The following RBFOX1 variants were observed in gnomAD, a reference collection of about 807,000 sequenced individuals.
The protein encoded by RBFOX1 is RNA binding fox-1 homolog 1.
Under a neutral mutation model 57.7 loss-of-function variants are expected in RBFOX1, and 8 were observed. That is an observed-to-expected ratio of 0.14 (90% CI 0.08 to 0.25). The LOEUF (loss-of-function observed/expected upper bound fraction) is 0.25, where lower values mean the gene tolerates loss of function less well. Among genes scored for constraint, RBFOX1 ranks in the 10% least tolerant of loss-of-function variants. The pLI is 1.00. For missense variants in RBFOX1, 611 were observed against 548.5 expected, an observed-to-expected ratio of 1.11 and a Z score of -1.14; for synonymous variants, 326 against 222.4, an observed-to-expected ratio of 1.47 and a Z score of -4.15.
intron 4 of RBFOX1, among the ~76,000 whole-genome samples, chr16:7,477,213 G>A (rs1482516392): frequency 6.6e-6 from 1 of 152,086 alleles, no homozygotes; most frequent in Non-Finnish European, 1.5e-5. Flanking sequence ...CTGTCTCTTG[G>A]GTTGTTCAGG....
chr16:7,566,471 G>A (rs1234613917), intron 5 of RBFOX1, among the ~76,000 whole-genome samples: 1 of 152,180 alleles, frequency 6.6e-6, no homozygotes, highest in Admixed American at 6.5e-5. Flanking sequence ...GGAGCGAAAA[G>A]AGTTTAGGAT....
chr16:6,619,460 A>G lies in RBFOX1; in HGVS notation c.-63-35143A>G, dbSNP rs143350421. Among the ~76,000 whole-genome samples the G allele has an allele frequency of 2.6e-4, 39 of 152,294 alleles. No homozygotes were observed. The East Asian group carries it at 3.3e-3, about 13-fold the overall frequency. ...GTGAAACTACATCAATTACAGTTCA[A>G]TCAGTTCTCCCATTCTTTTTTCTTC... On this transcript the variant is annotated intron_variant, in intron 2 of 15. Coordinates refer to ENST00000550418, the MANE Select transcript of RBFOX1 (RefSeq NM_018723.4).
chr16:7,104,795 C>A (rs546486421), intron 4 of RBFOX1, among the ~76,000 whole-genome samples: 3 of 152,146 alleles, frequency 2.0e-5, no homozygotes, highest in African/African-American at 7.2e-5. Flanking sequence ...TTGTGACTTG[C>A]AAAAATAACC....
At chr16:6,905,906 C>G (rs916578196) in intron 3 of RBFOX1, among the ~76,000 whole-genome samples, 4 of 152,178 alleles carry the variant, frequency 2.6e-5, no homozygotes, top group Non-Finnish European at 5.9e-5. Flanking sequence ...CACAGGCTTT[C>G]TCTGTAGTGA....
At chr16:5,444,357 A>C (rs2068177047) in intron 1 of RBFOX1, among the ~76,000 whole-genome samples, 1 of 152,224 alleles carries the variant, frequency 6.6e-6, no homozygotes, top group Admixed American at 6.5e-5. Flanking sequence ...AATTTCACCC[A>C]GTTCCTTTGG....
chr16:5,313,778 C>A (rs1296039339), intron 1 of RBFOX1, among the ~76,000 whole-genome samples: 1 of 152,152 alleles, frequency 6.6e-6, no homozygotes, highest in Non-Finnish European at 1.5e-5. Context: ...ATTCAGTTAC[C>A]TCCCACTAGG....
chr16:5,545,307 T>C (rs576192272), intron 2 of RBFOX1, among the ~76,000 whole-genome samples: 1 of 147,708 alleles, frequency 6.8e-6, no homozygotes, highest in African/African-American at 2.5e-5. Context: ...ATTAAAGAAA[T>C]AATATCAGTT....
At chr16:6,575,585 C>T (rs532549093) in intron 2 of RBFOX1, among the ~76,000 whole-genome samples, 2 of 152,042 alleles carry the variant, frequency 1.3e-5, no homozygotes, top group Non-Finnish European at 2.9e-5. Context: ...GGGCTAGGCA[C>T]GGTGGCTCAT....
At chr16:5,841,872 C>T (rs776723349) in intron 3 of RBFOX1, among the ~76,000 whole-genome samples, 4 of 152,180 alleles carry the variant, frequency 2.6e-5, no homozygotes, top group Non-Finnish European at 5.9e-5. Flanking sequence ...ATCTGCATTC[C>T]TGGGCTGCCT....
chr16:6,031,782 C>T (rs1260430012), intron 1 of RBFOX1, among the ~76,000 whole-genome samples: 1 of 152,218 alleles, frequency 6.6e-6, no homozygotes, highest in Non-Finnish European at 1.5e-5. Flanking sequence ...ACGCTGCTTA[C>T]AGCATGTGCA....
At chr16:7,463,600 G>T (rs2059967958) in intron 4 of RBFOX1, among the ~76,000 whole-genome samples, 2 of 152,118 alleles carry the variant, frequency 1.3e-5, no homozygotes, top group Non-Finnish European at 2.9e-5. Context: ...CCATCACCTT[G>T]GTGTTAAGAT....
Position 7,071,587 on chromosome 16 carries a change from A to ATG in RBFOX1, c.27+19519_27+19520dup, listed in dbSNP as rs60039723. Reference sequence around the variant, plus strand: ...GACCCCAACACTAATTTGCCCAGATATGTGTGTGTGTGTGTGTGTGTGTGT... The same window carrying ATG: ...GACCCCAACACTAATTTGCCCAGATATGTGTGTGTGTGTGTGTGTGTGTGTGT... On this transcript the variant is annotated intron_variant, in intron 4 of 15. Transcript: ENST00000550418. Among the ~76,000 whole-genome samples, 778 of 148,040 alleles carry ATG rather than the reference A, an allele frequency of 5.3e-3. 6 individuals carry two copies. The highest frequency in any genetic ancestry group is 0.014 in the Middle Eastern group (4 of 276).
chr16:5,382,855 C>T (rs2151394871), intron 1 of RBFOX1, among the ~76,000 whole-genome samples: 1 of 152,292 alleles, frequency 6.6e-6, no homozygotes, highest in South Asian at 2.1e-4. Context: ...ATAATTTATG[C>T]CCATTTTATG....
intron 4 of RBFOX1, among the ~76,000 whole-genome samples, chr16:7,504,739 A>ATATATATATATTTATATATATATT (rs2072373930): frequency 0.013 from 100 of 7,970 alleles, 8 homozygotes; most frequent in African/African-American, 0.03. Flanking sequence ...ATATATATAT[A>ATATATATATATTTATATATATATT]TATATATATA....
At chr16:5,996,926 T>C (rs1234899822) in intron 4 of RBFOX1, among the ~76,000 whole-genome samples, 1 of 152,208 alleles carries the variant, frequency 6.6e-6, no homozygotes, top group Non-Finnish European at 1.5e-5. Context: ...TACTTTTGCA[T>C]CAACCTAATA....
At chr16:6,624,153 A>C (rs894344295) in intron 2 of RBFOX1, among the ~76,000 whole-genome samples, 1 of 152,222 alleles carries the variant, frequency 6.6e-6, no homozygotes, top group African/African-American at 2.4e-5. Context: ...ATGCAAAGGA[A>C]CACAGACTTG....
At chr16:6,996,003 A>G (rs560818382) in intron 3 of RBFOX1, among the ~76,000 whole-genome samples, 1 of 152,230 alleles carries the variant, frequency 6.6e-6, no homozygotes, top group Non-Finnish European at 1.5e-5. Flanking sequence ...TATTTATAGC[A>G]TACAAATCTA....
At chr16:6,662,531 A>G (rs1483715041) in intron 3 of RBFOX1, among the ~76,000 whole-genome samples, 1 of 152,186 alleles carries the variant, frequency 6.6e-6, no homozygotes, top group Non-Finnish European at 1.5e-5. Flanking sequence ...TCAGGTGGCA[A>G]ATGAGGTACC....
chr16:5,613,226 C>G (rs1333440291), intron 3 of RBFOX1, among the ~76,000 whole-genome samples: 2 of 152,184 alleles, frequency 1.3e-5, no homozygotes, highest in Admixed American at 1.3e-4. Context: ...AGAAGAACCT[C>G]CCCACACCCA....
Sources: allele counts gnomAD v4.1 joint callset (sites outside exome capture counted in the v4.1 genomes callset), GRCh38; gene constraint gnomAD v4.1.1; transcripts MANE v1.5; gene names NCBI Gene and HGNC (gene_info 2026-07-23, HGNC 2026-07-21).